The following WWP1 variants were observed in gnomAD, a reference collection of about 807,000 sequenced individuals.
WWP1 encodes the protein NEDD4-like E3 ubiquitin-protein ligase WWP1.
Under a neutral mutation model 130.6 loss-of-function variants are expected in WWP1, and 49 were observed. That is an observed-to-expected ratio of 0.38 (90% confidence interval 0.30 to 0.48). The LOEUF is 0.48. WWP1 is among the 20% of genes least tolerant of loss of function. WWP1 has a pLI of 0.99. For missense variants in WWP1, 809 were observed against 1,100.6 expected (o/e 0.74, Z 3.75); for synonymous variants, 332 against 367.8 (o/e 0.90, Z 1.11).
chr8:86,442,088 A>G (rs1186533428), intron 17 of WWP1, among the ~76,000 whole-genome samples: 1 of 152,180 alleles, frequency 6.6e-6, no homozygotes, highest in Non-Finnish European at 1.5e-5. Context: ...GTATCTCGGT[A>G]TCACCTGCAA....
intron 3 of WWP1, among the ~76,000 whole-genome samples, chr8:86,378,631 T>G (rs1824807166): frequency 6.6e-6 from 1 of 152,190 alleles, no homozygotes; most frequent in African/African-American, 2.4e-5. Flanking sequence ...TGTCTTCTAG[T>G]TATTTAAAAT....
At position 86,468,489 on chromosome 8, in the gene WWP1, C is replaced by CA. The variant is rs543960359; in HGVS notation, c.*1601dup. ...TATGTGATAGAGGGAAACTGGCCTT[C>CA]AAAAAGGACTGCGTATACCATAAAA... On this transcript the variant is annotated 3_prime_UTR_variant, in exon 25 of 25. Coordinates refer to ENST00000517970, the MANE Select transcript of WWP1 (RefSeq NM_007013.4). 364 of 420,168 alleles carry CA rather than the reference C, an allele frequency of 8.7e-4. 4 individuals are homozygous for CA. Among genetic ancestry groups the CA allele is most frequent in the African/African-American group, 6.7e-3 (324 of 48,024 alleles). The allele number at this position is 420,168 out of a possible 1,614,324, so 26.0% of individuals were successfully genotyped here.
intron 13 of WWP1, 37 bp downstream of exon 13, chr8:86,431,527 T>G (rs1466091201): frequency 6.2e-7 from 1 of 1,611,340 alleles, no homozygotes; most frequent in Non-Finnish European, 8.5e-7. Flanking sequence ...GTCTTGCATA[T>G]ATCAGTAGGT....
intron 9 of WWP1, among the ~76,000 whole-genome samples, chr8:86,414,227 CTGTG>C (rs35397366): frequency 0.058 from 8,687 of 150,990 alleles, 414 homozygotes; most frequent in African/African-American, 0.13. Context: ...GTTTGTTTTT[CTGTG>C]TGTGTGTGTG....
Position 86,389,156 on chromosome 8 carries a change from C to CT in WWP1, c.334+7540dup, listed in dbSNP as rs1156349491. Reference sequence around the variant, plus strand: ...AAAACATATAAAGAATATGTGGTTTCTTTTTTTTTTTTTAGTATTTATTGA... The same window carrying CT: ...AAAACATATAAAGAATATGTGGTTTCTTTTTTTTTTTTTTAGTATTTATTGA... On this transcript the variant is annotated intron_variant, in intron 5 of 24. Transcript: ENST00000517970. Among the ~76,000 whole-genome samples, 808 of 133,088 alleles carry CT rather than the reference C, an allele frequency of 6.1e-3. 5 individuals are homozygous for CT. The highest frequency in any genetic ancestry group is 0.015 in the African/African-American group (554 of 36,334). 87.3% of individuals were successfully genotyped at this position (133,088 alleles called of 152,430 possible). A position where few individuals can be genotyped will look rare whatever the true frequency, so the allele number is the denominator to read the frequency against.
chr8:86,392,012 A>T (rs1484192788), intron 5 of WWP1, among the ~76,000 whole-genome samples: 1 of 152,244 alleles, frequency 6.6e-6, no homozygotes, highest in Non-Finnish European at 1.5e-5. Flanking sequence ...GTTACAACAG[A>T]CAATAAATTC....
At chr8:86,402,767 T>A (rs1808065425) in intron 8 of WWP1, among the ~76,000 whole-genome samples, 1 of 152,206 alleles carries the variant, frequency 6.6e-6, no homozygotes, top group Non-Finnish European at 1.5e-5. Context: ...ATTCTTAAGC[T>A]TTGCCACAAA....
chr8:86,464,431 AT>A (rs1368704341), intron 24 of WWP1, among the ~76,000 whole-genome samples: 2 of 152,170 alleles, frequency 1.3e-5, no homozygotes, highest in Non-Finnish European at 2.9e-5. Context: ...GTGAATTAAT[AT>A]TTTTTAAACT....
intron 22 of WWP1, 54 bp from the exon 23 acceptor site, chr8:86,461,170 A>G: frequency 2.0e-6 from 3 of 1,464,544 alleles, no homozygotes; most frequent in Non-Finnish European, 2.9e-6. Context: ...TACTACTTTC[A>G]TGATTGAAGA....
rs376037022 is a variant in WWP1 at position 86,397,031 on chromosome 8, A to G, written c.335-1311A>G. Among the ~76,000 whole-genome samples, 58 of 152,276 alleles carry G rather than the reference A, an allele frequency of 3.8e-4. No individual in the cohort carries two copies. The East Asian group carries it at 0.01, about 26-fold the overall frequency. On this transcript the variant is annotated intron_variant, in intron 5 of 24. Coordinates refer to ENST00000517970, the MANE Select transcript of WWP1 (RefSeq NM_007013.4). Reference sequence around the variant, plus strand: ...GTGTGAGCCACCAGGCCTGGCCACAAAGAAATTTCTGTCCGGTGATTAGTA... The same window carrying G: ...GTGTGAGCCACCAGGCCTGGCCACAGAGAAATTTCTGTCCGGTGATTAGTA...
chr8:86,391,081 A>G (rs988655440), intron 5 of WWP1, among the ~76,000 whole-genome samples: 3 of 152,128 alleles, frequency 2.0e-5, no homozygotes, highest in African/African-American at 7.2e-5. Flanking sequence ...ATTTACATAT[A>G]CATAAATAAA....
Position 86,450,414 on chromosome 8 carries a change from C to T in WWP1, c.2273+1901C>T, listed in dbSNP as rs1811114580. Among the ~76,000 whole-genome samples the T allele has an allele frequency of 1.3e-5, 2 of 152,134 alleles. 1 individual carries two copies. ...AAAATATATTCATCAAAAGATCATG[C>T]ATAAGGCACTGGACTTTCTATATTT... On this transcript the variant is annotated intron_variant, in intron 20 of 24. Transcript: ENST00000517970.
chr8:86,393,369 G>A (rs1807464692), intron 5 of WWP1, among the ~76,000 whole-genome samples: 1 of 151,784 alleles, frequency 6.6e-6, no homozygotes, highest in Non-Finnish European at 1.5e-5. Context: ...CTACTTAACT[G>A]TGTGAGTAGC....
chr8:86,358,177 T>C (rs1405941142), intron 1 of WWP1, among the ~76,000 whole-genome samples: 2 of 152,210 alleles, frequency 1.3e-5, no homozygotes, highest in Non-Finnish European at 2.9e-5. Flanking sequence ...ACTTTTGTAT[T>C]GGACGTTTTT....
intron 14 of WWP1, among the ~76,000 whole-genome samples, chr8:86,432,817 A>C (rs1810061680): frequency 6.6e-6 from 1 of 152,196 alleles, no homozygotes; most frequent in Non-Finnish European, 1.5e-5. Context: ...CATGTTGGCC[A>C]GGCTGGTCTC....
intron 1 of WWP1, among the ~76,000 whole-genome samples, chr8:86,360,971 A>G (rs762262756): frequency 6.6e-6 from 1 of 152,184 alleles, no homozygotes; most frequent in South Asian, 2.1e-4. Flanking sequence ...ATTCAGGGTA[A>G]TTAGGTTGAG....
intron 1 of WWP1, among the ~76,000 whole-genome samples, chr8:86,356,907 G>A (rs982513859): frequency 6.7e-6 from 1 of 149,962 alleles, no homozygotes; most frequent in Non-Finnish European, 1.5e-5. Flanking sequence ...ACAACTGTAA[G>A]CATAAATTAA....
intron 10 of WWP1, among the ~76,000 whole-genome samples, chr8:86,426,187 A>G (rs1301171559): frequency 6.6e-6 from 1 of 152,238 alleles, no homozygotes; most frequent in African/African-American, 2.4e-5. Flanking sequence ...CATGAAGTTC[A>G]TTTTAACTAT....
chr8:86,422,440 A>G (rs1809282756), intron 9 of WWP1, among the ~76,000 whole-genome samples: 1 of 151,484 alleles, frequency 6.6e-6, no homozygotes. Flanking sequence ...GCTCACTGCA[A>G]CCTCTACCTC....
Sources: allele counts gnomAD v4.1 joint callset (sites outside exome capture counted in the v4.1 genomes callset), GRCh38; gene constraint gnomAD v4.1.1; transcripts MANE v1.5; gene names NCBI Gene and HGNC (gene_info 2026-07-23, HGNC 2026-07-21).